GLB1: variants seen among roughly 807,000 people sequenced by gnomAD.
The protein encoded by GLB1 is beta-galactosidase.
In GLB1, 56 loss-of-function variants were observed where a neutral mutation model predicts 74.0. That is an observed-to-expected ratio of 0.76 (90% CI 0.61 to 0.94). GLB1 has a LOEUF of 0.94. Ranked by LOEUF, GLB1 falls within the 40% of genes least tolerant of loss-of-function variation. GLB1 has a pLI of 0.00. For synonymous variants in GLB1, 323 were observed against 323.6 expected, an observed-to-expected ratio of 1.00 and a Z score of 0.02; for missense variants, 787 against 845.5, an observed-to-expected ratio of 0.93 and a Z score of 0.86.
At chr3:33,046,074 G>A (rs1372567340) in intron 10 of GLB1, 46 bp downstream of exon 10, 9 of 1,601,246 alleles carry the variant, frequency 5.6e-6, no homozygotes, top group Non-Finnish European at 6.8e-6. Flanking sequence ...GTTCAAAAGA[G>A]GCTCTGTCCA....
intron 11 of GLB1, among the ~76,000 whole-genome samples, chr3:33,022,563 G>GGTTTTTTTTTTTTTT (rs1380045437): frequency 1.3e-4 from 2 of 15,318 alleles, no homozygotes; most frequent in Non-Finnish European, 3.0e-4. Flanking sequence ...TACTGGTTAG[G>GGTTTTTTTTTTTTTT]ATTTTTTTTT....
At chr3:33,055,401 C>T (rs374478757) in intron 6 of GLB1, among the ~76,000 whole-genome samples, 212 of 152,022 alleles carry the variant, frequency 1.4e-3, no homozygotes, top group African/African-American at 4.9e-3. Context: ...ACTTCCTCTG[C>T]AGCGCTTTGT....
chr3:33,039,132 C>A (rs4234263), intron 10 of GLB1, among the ~76,000 whole-genome samples: 141,432 of 151,736 alleles, frequency 0.93, 66,732 homozygotes, highest in East Asian at 1. Flanking sequence ...TCTACTAAAA[C>A]TATGAAAATC....
chr3:32,994,655 T>TCATC (rs1333803821), downstream of GLB1, among the ~76,000 whole-genome samples: 1 of 152,132 alleles, frequency 6.6e-6, no homozygotes, highest in Non-Finnish European at 1.5e-5. Flanking sequence ...GCGCAGTGGC[T>TCATC]CATGCCTGTA....
In GLB1 at chr3:33,016,774, T is replaced by C; in HGVS notation, c.1414A>G (p.Thr472Ala). The C allele has an allele frequency of 9.9e-6, 16 of 1,614,140 alleles. No homozygotes were observed. Among genetic ancestry groups the C allele is most frequent in the Non-Finnish European group, 1.4e-5 (16 of 1,180,006 alleles). The change falls in exon 14 of 16, where the codon ACT becomes GCT. Residue 472 changes from threonine (T) to alanine (A), a missense_variant. Transcript: ENST00000307363. ...ATGTTCTCTACCAGAAGGTCCAGAGTGGCTCCAGCTTTCCCTGTTATGTTC... is the reference window on the plus strand; with the variant it reads ...ATGTTCTCTACCAGAAGGTCCAGAGCGGCTCCAGCTTTCCCTGTTATGTTC... ...TLNITGKAGA[T>A]LDLLVENMGR...
chr3:32,979,726 C>T, the GLB1 span, among the ~76,000 whole-genome samples: 3 of 151,492 alleles, frequency 2.0e-5, no homozygotes, highest in Non-Finnish European at 2.9e-5. Flanking sequence ...GTGGCATGTG[C>T]CTGTTGTCCC....
chr3:33,071,648 G>A (rs967031535), intron 2 of GLB1, among the ~76,000 whole-genome samples: 8 of 152,232 alleles, frequency 5.3e-5, no homozygotes, highest in Middle Eastern at 3.4e-3. Flanking sequence ...AAAGGAGATC[G>A]GAAGGCCTTA....
At chr3:33,054,184 C>T (rs573772035) in intron 6 of GLB1, among the ~76,000 whole-genome samples, 2 of 152,280 alleles carry the variant, frequency 1.3e-5, no homozygotes, top group Admixed American at 6.5e-5. Flanking sequence ...TTGGACTTCA[C>T]CACCTCTAGA....
chr3:33,077,433 A>ATGTG, intron 1 of GLB1: 2 of 894,226 alleles, frequency 2.2e-6, no homozygotes, highest in South Asian at 2.6e-5. Flanking sequence ...GCTCAGTTGG[A>ATGTG]AATGGAGGAT....
chr3:33,085,751 A>G (rs1700483078), intron 1 of GLB1, among the ~76,000 whole-genome samples: 1 of 152,090 alleles, frequency 6.6e-6, no homozygotes. Flanking sequence ...CAGGGCTCCA[A>G]CCAGCTCAAG....
chr3:33,025,651 A>G (rs1697712863), intron 10 of GLB1, among the ~76,000 whole-genome samples: 1 of 144,940 alleles, frequency 6.9e-6, no homozygotes, highest in South Asian at 2.3e-4. Context: ...TGCTGCCATC[A>G]CGCTGGCTGT....
chr3:33,021,239 A>T, intron 12 of GLB1: 1 of 383,246 alleles, frequency 2.6e-6, no homozygotes, highest in South Asian at 2.6e-5. Flanking sequence ...GTATTAAAAC[A>T]GTGATCTTCC....
At chr3:33,060,811 C>T (rs1191785906) in intron 5 of GLB1, among the ~76,000 whole-genome samples, 1 of 152,170 alleles carries the variant, frequency 6.6e-6, no homozygotes, top group African/African-American at 2.4e-5. Flanking sequence ...TGAGCTCTGC[C>T]ACTTCCTACC....
chr3:33,032,153 G>A (rs1401174504), intron 10 of GLB1, among the ~76,000 whole-genome samples: 1 of 152,068 alleles, frequency 6.6e-6, no homozygotes, highest in Non-Finnish European at 1.5e-5. Context: ...AGTTGTTAAA[G>A]CTTGGGATCC....
chr3:33,086,600 T>C (rs1575491732), intron 1 of GLB1, among the ~76,000 whole-genome samples: 1 of 152,174 alleles, frequency 6.6e-6, no homozygotes, highest in African/African-American at 2.4e-5. Flanking sequence ...AATGAATTCT[T>C]CCTACCCAAA....
chr3:33,071,387 G>A lies in GLB1; in HGVS notation c.245+1157C>T, dbSNP rs190967835. ...GTTATCAGCAATCCACATCAGCACT[G>A]CAAGAGCCAGAGCAGCCAGCCACAC... On this transcript the variant is annotated intron_variant, in intron 2 of 15. Coordinates refer to ENST00000307363, the MANE Select transcript of GLB1 (RefSeq NM_000404.4). 2.8e-4 allele frequency among the ~76,000 whole-genome samples: 42 copies of A among 152,300 alleles called. 1 individual carries two copies. The highest frequency in any genetic ancestry group is 2.7e-3 in the Admixed American group (41 of 15,296).
the GLB1 span, among the ~76,000 whole-genome samples, chr3:32,961,963 A>G: frequency 6.6e-6 from 1 of 152,194 alleles, no homozygotes; most frequent in Admixed American, 6.5e-5. Flanking sequence ...TGGGAGGCCA[A>G]GGCAGGCGGA....
At chr3:32,975,697 G>A in the GLB1 span, among the ~76,000 whole-genome samples, 5 of 152,286 alleles carry the variant, frequency 3.3e-5, no homozygotes, top group Middle Eastern at 3.4e-3. Context: ...CAGTTCCATA[G>A]CCCAAGGAAG....
At chr3:32,979,711 G>T in the GLB1 span, among the ~76,000 whole-genome samples, 1 of 151,674 alleles carries the variant, frequency 6.6e-6, no homozygotes, top group Admixed American at 6.6e-5. Context: ...AATTAGCTGG[G>T]CATGGTGGCA....
Sources: gnomAD v4.1 joint callset for allele counts (sites outside exome capture counted in the v4.1 genomes callset) on GRCh38, gnomAD v4.1.1 for gene constraint, MANE v1.5 for transcripts, NCBI Gene and HGNC (gene_info 2026-07-23, HGNC 2026-07-21) for gene names.